The following MACROD2 variants were observed in gnomAD, a reference collection of about 807,000 sequenced individuals.
MACROD2 encodes ADP-ribose glycohydrolase MACROD2.
A neutral mutation model predicts 70.4 loss-of-function variants in MACROD2; 36 were observed. The observed-to-expected ratio is 0.51, with a 90% CI of 0.39 to 0.68. The LOEUF is 0.68. Among genes scored for constraint, MACROD2 ranks in the 30% least tolerant of loss-of-function variants. The probability of loss-of-function intolerance (pLI) is 0.00; values close to 1 mark genes in which losing one functional copy is unlikely to be tolerated. For synonymous variants in MACROD2, 172 were observed against 178.8 expected, an observed-to-expected ratio of 0.96 and a Z score of 0.30; for missense variants, 496 against 538.4, an observed-to-expected ratio of 0.92 and a Z score of 0.78.
At chr20:14,263,710 C>G (rs2082119198) in intron 3 of MACROD2, among the ~76,000 whole-genome samples, 1 of 151,998 alleles carries the variant, frequency 6.6e-6, no homozygotes, top group African/African-American at 2.4e-5. Context: ...CTTGTAATCG[C>G]AGCACTTTGG....
At chr20:14,499,923 T>C (rs568584253) in intron 4 of MACROD2, among the ~76,000 whole-genome samples, 5 of 152,298 alleles carry the variant, frequency 3.3e-5, no homozygotes, top group African/African-American at 1.2e-4. Context: ...GCCAGAGGCA[T>C]AAGTACTTAT....
rs916687246 is a variant in MACROD2 at position 14,353,377 on chromosome 20, A to T, written c.272-140102A>T. Among the ~76,000 whole-genome samples the T allele has an allele frequency of 2.4e-4, 36 of 152,126 alleles. 3 individuals are homozygous for T. Among genetic ancestry groups the T allele is most frequent in the Admixed American group, 2.0e-3 (31 of 15,260 alleles). On this transcript the variant is annotated intron_variant, in intron 3 of 17. Transcript: ENST00000684519. ...AACTGTATTTAGTTGTCTCCTGTGCAAATAAGACTGCAAGGAACATTCTTT... is the reference window on the plus strand; with the variant it reads ...AACTGTATTTAGTTGTCTCCTGTGCTAATAAGACTGCAAGGAACATTCTTT...
chr20:14,670,154 C>T (rs560657525), intron 4 of MACROD2, among the ~76,000 whole-genome samples: 2 of 152,138 alleles, frequency 1.3e-5, no homozygotes, highest in African/African-American at 4.8e-5. Flanking sequence ...CTTACAGCAC[C>T]GTTTTCACCA....
chr20:15,138,841 T>A (rs1478611485), intron 5 of MACROD2, among the ~76,000 whole-genome samples: 1 of 152,214 alleles, frequency 6.6e-6, no homozygotes, highest in African/African-American at 2.4e-5. Flanking sequence ...TCAGTTTCTA[T>A]CACACTTGAA....
chr20:15,800,895 C>T (rs569975221), intron 8 of MACROD2, among the ~76,000 whole-genome samples: 1 of 151,906 alleles, frequency 6.6e-6, no homozygotes, highest in South Asian at 2.1e-4. Context: ...TTACCCCCAA[C>T]CCTGTGCTCT....
intron 4 of MACROD2, among the ~76,000 whole-genome samples, chr20:14,595,419 C>T (rs1294000226): frequency 6.6e-6 from 1 of 152,258 alleles, no homozygotes; most frequent in African/African-American, 2.4e-5. Context: ...GCAAACAACG[C>T]GAACTTCTGT....
At chr20:14,992,992 A>G (rs2074918344) in intron 5 of MACROD2, among the ~76,000 whole-genome samples, 1 of 152,184 alleles carries the variant, frequency 6.6e-6, no homozygotes, top group Non-Finnish European at 1.5e-5. Flanking sequence ...AGAATATTTA[A>G]TGATCTTCCA....
intron 6 of MACROD2, among the ~76,000 whole-genome samples, chr20:15,330,505 A>C (rs2077980736): frequency 6.7e-6 from 1 of 149,724 alleles, no homozygotes; most frequent in Non-Finnish European, 1.5e-5. Context: ...GTGGTTGGGC[A>C]TGTAGAGGAG....
chr20:14,013,794 TGCCTCA>T (rs2052948916), intron 2 of MACROD2, among the ~76,000 whole-genome samples: 1 of 145,782 alleles, frequency 6.9e-6, no homozygotes, highest in East Asian at 2.2e-4. Context: ...GCAGTTCTCC[TGCCTCA>T]GCCTCCCGAG....
At chr20:14,971,672 C>T (rs1314911018) in intron 5 of MACROD2, among the ~76,000 whole-genome samples, 1 of 152,016 alleles carries the variant, frequency 6.6e-6, no homozygotes, top group Non-Finnish European at 1.5e-5. Context: ...CATCTGAAGA[C>T]TCAACCTGGC....
chr20:15,081,097 C>G (rs1233116775), intron 5 of MACROD2, among the ~76,000 whole-genome samples: 2 of 152,126 alleles, frequency 1.3e-5, no homozygotes, highest in African/African-American at 4.8e-5. Context: ...AATTGGCAGA[C>G]TATGACCCAT....
At chr20:14,203,078 A>C (rs1215318934) in intron 3 of MACROD2, among the ~76,000 whole-genome samples, 2 of 151,566 alleles carry the variant, frequency 1.3e-5, no homozygotes, top group African/African-American at 4.8e-5. Flanking sequence ...AACTCTATTA[A>C]ATTATTTATT....
In MACROD2 at chr20:14,724,075, G is replaced by T. The variant is rs968521597; in HGVS notation, c.418+39116G>T. Among the ~76,000 whole-genome samples the T allele has an allele frequency of 1.7e-4, 26 of 152,072 alleles. 1 individual carries two copies. ...TAAAAATTAAGATTTATTTCTTAAGGACTATGAATGTTTTGTAACATTCAA... is the reference window on the plus strand; with the variant it reads ...TAAAAATTAAGATTTATTTCTTAAGTACTATGAATGTTTTGTAACATTCAA... On this transcript the variant is annotated intron_variant, in intron 5 of 17. Coordinates refer to ENST00000684519, the MANE Select transcript of MACROD2 (RefSeq NM_001351661.2).
chr20:15,652,884 G>C (rs1424565125), intron 8 of MACROD2, among the ~76,000 whole-genome samples: 1 of 152,116 alleles, frequency 6.6e-6, no homozygotes, highest in Non-Finnish European at 1.5e-5. Context: ...AAAATGCATA[G>C]AAAAATGCAC....
intron 10 of MACROD2, among the ~76,000 whole-genome samples, chr20:15,887,410 G>A (rs945846082): frequency 2.0e-5 from 3 of 152,174 alleles, no homozygotes. Context: ...CAGGAATAAA[G>A]GAGGTAGAAG....
intron 3 of MACROD2, among the ~76,000 whole-genome samples, chr20:14,432,903 G>A (rs898836773): frequency 6.6e-6 from 1 of 152,080 alleles, no homozygotes; most frequent in Non-Finnish European, 1.5e-5. Context: ...ATTGCTTTCA[G>A]AATCTAAGTC....
intron 3 of MACROD2, among the ~76,000 whole-genome samples, chr20:14,111,218 A>G (rs1040136710): frequency 6.6e-6 from 1 of 152,058 alleles, no homozygotes; most frequent in African/African-American, 2.4e-5. Context: ...ACAAAAGTCA[A>G]ACCAAAATGG....
At chr20:15,659,902 T>C (rs993212300) in intron 8 of MACROD2, among the ~76,000 whole-genome samples, 7 of 152,280 alleles carry the variant, frequency 4.6e-5, no homozygotes, top group African/African-American at 1.7e-4. Context: ...TATAGGCTCT[T>C]ACTGCAACAG....
rs923768049 is a variant in MACROD2, at chr20:16,050,197, A to G, written c.*321A>G. The G allele has an allele frequency of 4.6e-6, 1 of 217,392 alleles. No homozygotes were observed. Among genetic ancestry groups the G allele is most frequent in the Non-Finnish European group, 9.2e-6 (1 of 108,426 alleles). 13.5% of individuals were successfully genotyped at this position (217,392 alleles called of 1,614,324 possible). On this transcript the variant is annotated 3_prime_UTR_variant, in exon 18 of 18. Transcript: ENST00000684519. ...GGCTTGATTGAACACTCACATGTGT[A>G]TCCTGGCCCCTGTCTGCTTTCTTGG... is the stretch of plus-strand genomic sequence containing the variant.
Sources: gnomAD v4.1 joint callset for allele counts (sites outside exome capture counted in the v4.1 genomes callset) on GRCh38, gnomAD v4.1.1 for gene constraint, MANE v1.5 for transcripts, NCBI Gene and HGNC (gene_info 2026-07-23, HGNC 2026-07-21) for gene names.